The following HPSE2 variants were observed in gnomAD, a reference collection of about 807,000 sequenced individuals.
The protein encoded by HPSE2 is inactive heparanase-2.
A neutral mutation model predicts 60.5 loss-of-function variants in HPSE2; 38 were observed. The observed-to-expected ratio is 0.63, with a 90% CI of 0.48 to 0.82. The LOEUF is 0.82. HPSE2 is among the 40% of genes least tolerant of loss of function. HPSE2 has a pLI of 0.00. For missense variants in HPSE2, 713 were observed against 740.4 expected, an observed-to-expected ratio of 0.96 and a Z score of 0.43; for synonymous variants, 295 against 293.2, an observed-to-expected ratio of 1.01 and a Z score of -0.06.
intron 3 of HPSE2, among the ~76,000 whole-genome samples, chr10:99,057,643 G>C (rs4919273): frequency 0.16 from 24,179 of 152,108 alleles, 2,275 homozygotes; most frequent in Admixed American, 0.23. Context: ...ACAACAACCA[G>C]GTCCAATCCA....
rs933557941 is a variant in HPSE2, at chr10:98,656,911, G to A, written c.1005-14971C>T. On this transcript the variant is annotated intron_variant, in intron 6 of 11. Transcript: ENST00000370552. ...TGAGTAGCTGGGATTATAGGCACCC[G>A]CCACCACATCCGGCTAATTTTTGGT... Among the ~76,000 whole-genome samples, 17 of 151,812 alleles carry A rather than the reference G, an allele frequency of 1.1e-4. 1 individual carries two copies. The highest frequency in any genetic ancestry group is 3.6e-4 in the African/African-American group (15 of 41,324).
At chr10:98,524,085 C>T (rs1345920212) in intron 9 of HPSE2, among the ~76,000 whole-genome samples, 3 of 152,182 alleles carry the variant, frequency 2.0e-5, no homozygotes, top group Non-Finnish European at 4.4e-5. Flanking sequence ...GACACGCAAC[C>T]AGTACAGTTG....
At chr10:98,724,972 C>T (rs1465095901) in intron 4 of HPSE2, among the ~76,000 whole-genome samples, 2 of 152,068 alleles carry the variant, frequency 1.3e-5, no homozygotes, top group South Asian at 2.1e-4. Context: ...CAAACCACTG[C>T]TCAATGAAAT....
the HPSE2 span, among the ~76,000 whole-genome samples, chr10:99,275,960 G>A: frequency 6.6e-6 from 1 of 152,042 alleles, no homozygotes; most frequent in Non-Finnish European, 1.5e-5. Context: ...CTTATTAAAA[G>A]CACATCGTAT....
chr10:98,648,805 A>G (rs929816600), intron 6 of HPSE2, among the ~76,000 whole-genome samples: 3 of 152,208 alleles, frequency 2.0e-5, no homozygotes, highest in African/African-American at 7.2e-5. Flanking sequence ...GTAAGTATTT[A>G]TATCAAATGA....
At chr10:99,259,749 G>A in the HPSE2 span, among the ~76,000 whole-genome samples, 1 of 152,190 alleles carries the variant, frequency 6.6e-6, no homozygotes, top group African/African-American at 2.4e-5. Flanking sequence ...TAGGAAGGGG[G>A]ACCACACAGC....
intron 7 of HPSE2, among the ~76,000 whole-genome samples, chr10:98,635,848 A>C (rs988788460): frequency 3.3e-5 from 5 of 152,146 alleles, no homozygotes; most frequent in Non-Finnish European, 7.4e-5. Flanking sequence ...TTGAGCCATA[A>C]AAAAAGAATG....
intron 6 of HPSE2, among the ~76,000 whole-genome samples, chr10:98,675,910 G>A (rs1947628292): frequency 6.6e-6 from 1 of 151,858 alleles, no homozygotes; most frequent in Non-Finnish European, 1.5e-5. Context: ...TGGTGCAGTG[G>A]TGCACAACTG....
the HPSE2 span, among the ~76,000 whole-genome samples, chr10:99,244,431 C>T: frequency 8.1e-6 from 1 of 123,176 alleles, no homozygotes; most frequent in Non-Finnish European, 1.8e-5. Context: ...ATTTGAGACA[C>T]GGTCTCACTC....
At chr10:98,760,451 C>T (rs1327038763) in intron 3 of HPSE2, among the ~76,000 whole-genome samples, 1 of 151,844 alleles carries the variant, frequency 6.6e-6, no homozygotes, top group Non-Finnish European at 1.5e-5. Flanking sequence ...CATATATGAC[C>T]TTTATTATGT....
At chr10:99,192,183 TC>T (rs1438336886) in intron 2 of HPSE2, among the ~76,000 whole-genome samples, 3 of 152,130 alleles carry the variant, frequency 2.0e-5, no homozygotes, top group Admixed American at 2.0e-4. Context: ...AGAAAGTTTA[TC>T]CAAAGGGATA....
chr10:98,998,655 C>T (rs954955322), intron 3 of HPSE2, among the ~76,000 whole-genome samples: 2 of 152,212 alleles, frequency 1.3e-5, no homozygotes, highest in African/African-American at 4.8e-5. Context: ...CCAGCAACTC[C>T]TCCATCACTC....
intron 2 of HPSE2, among the ~76,000 whole-genome samples, chr10:99,180,753 G>A (rs1847729120): frequency 6.6e-6 from 1 of 151,864 alleles, no homozygotes; most frequent in Non-Finnish European, 1.5e-5. Context: ...AGCCAGGCGT[G>A]GTGATAGGCA....
chr10:98,845,292 A>G (rs1013654933), intron 3 of HPSE2, among the ~76,000 whole-genome samples: 16 of 152,228 alleles, frequency 1.1e-4, no homozygotes, highest in African/African-American at 3.9e-4. Context: ...GTGCTGGAGG[A>G]TAGGTGAGCA....
chr10:98,699,186 A>C (rs1371203660), intron 5 of HPSE2, among the ~76,000 whole-genome samples: 1 of 152,000 alleles, frequency 6.6e-6, no homozygotes, highest in African/African-American at 2.4e-5. Context: ...GAGACACAAC[A>C]AAAAAAGAGA....
At chr10:98,609,839 C>CTT (rs34422929) in intron 9 of HPSE2, among the ~76,000 whole-genome samples, 96 of 126,164 alleles carry the variant, frequency 7.6e-4, no homozygotes, top group African/African-American at 1.1e-3. Context: ...TCTTCTTCTT[C>CTT]TTTTTTTTTT....
chr10:98,766,343 C>A (rs758623169), intron 3 of HPSE2, among the ~76,000 whole-genome samples: 5 of 152,072 alleles, frequency 3.3e-5, no homozygotes, highest in South Asian at 2.1e-4. Context: ...CTGCTGACAC[C>A]AATTCTACAT....
intron 3 of HPSE2, among the ~76,000 whole-genome samples, chr10:98,834,555 C>T (rs1017463049): frequency 4.6e-5 from 7 of 152,072 alleles, no homozygotes; most frequent in African/African-American, 1.2e-4. Flanking sequence ...TCAATAGCTG[C>T]TAACACCATA....
chr10:98,596,837 G>T (rs1180888798), intron 9 of HPSE2, among the ~76,000 whole-genome samples: 2 of 151,542 alleles, frequency 1.3e-5, no homozygotes, highest in African/African-American at 4.9e-5. Flanking sequence ...GTGTAGTCTT[G>T]TGTGGAGTGA....
Sources: allele counts gnomAD v4.1 joint callset (sites outside exome capture counted in the v4.1 genomes callset), GRCh38; gene constraint gnomAD v4.1.1; transcripts MANE v1.5; gene names NCBI Gene and HGNC (gene_info 2026-07-23, HGNC 2026-07-21).